Variants in EPHA3 observed in about 807,000 individuals in gnomAD.
The protein encoded by EPHA3 is EPH receptor A3, also known as ephrin type-A receptor 3.
Under a neutral mutation model 107.1 loss-of-function variants are expected in EPHA3, and 42 were observed. The ratio of observed to expected loss-of-function variants is 0.39; its 90% CI spans 0.31 to 0.51. The LOEUF (loss-of-function observed/expected upper bound fraction) is 0.51, where lower values mean the gene tolerates loss of function less well. Among genes scored for constraint, EPHA3 ranks in the 20% least tolerant of loss-of-function variants. The pLI is 0.78. For synonymous variants in EPHA3, 461 were observed against 424.8 expected, an observed-to-expected ratio of 1.09 and a Z score of -1.05; for missense variants, 1,183 against 1,211.2, an observed-to-expected ratio of 0.98 and a Z score of 0.35.
intron 16 of EPHA3, among the ~76,000 whole-genome samples, chr3:89,478,637 A>C (rs1308502408): frequency 6.6e-6 from 1 of 152,154 alleles, no homozygotes; most frequent in Non-Finnish European, 1.5e-5. Context: ...GCCCCCAGAG[A>C]GGATATCTCA....
chr3:89,110,335 A>G (rs1283932639), intron 1 of EPHA3, among the ~76,000 whole-genome samples: 1 of 152,008 alleles, frequency 6.6e-6, no homozygotes, highest in African/African-American at 2.4e-5. Context: ...AATTGCTAGG[A>G]CATTTGCAGT....
intron 3 of EPHA3, among the ~76,000 whole-genome samples, chr3:89,328,348 A>G (rs1416883145): frequency 6.6e-6 from 1 of 152,188 alleles, no homozygotes; most frequent in Non-Finnish European, 1.5e-5. Flanking sequence ...GCAGGTTTGC[A>G]TAAATTAAGC....
At chr3:89,459,704 G>A (rs1386475532) in intron 15 of EPHA3, among the ~76,000 whole-genome samples, 2 of 152,102 alleles carry the variant, frequency 1.3e-5, no homozygotes. Flanking sequence ...TGTATTCTTA[G>A]TGGAGATGGG....
intron 7 of EPHA3, among the ~76,000 whole-genome samples, chr3:89,401,070 T>C (rs1427358659): frequency 6.6e-6 from 1 of 152,208 alleles, no homozygotes; most frequent in East Asian, 1.9e-4. Context: ...TGGTATATTT[T>C]TGTGTCCAAA....
intron 2 of EPHA3, among the ~76,000 whole-genome samples, chr3:89,207,389 C>T (rs1477553838): frequency 6.6e-6 from 1 of 152,160 alleles, no homozygotes; most frequent in African/African-American, 2.4e-5. Flanking sequence ...ACTATGCTCA[C>T]AACCTGGGTG....
chr3:89,279,075 T>C (rs555269683), intron 3 of EPHA3, among the ~76,000 whole-genome samples: 7 of 152,312 alleles, frequency 4.6e-5, no homozygotes, highest in Non-Finnish European at 1.0e-4. Flanking sequence ...ATCATTTAAA[T>C]TCTAAGAGTA....
At chr3:89,362,047 A>G (rs1708102367) in intron 5 of EPHA3, among the ~76,000 whole-genome samples, 1 of 151,228 alleles carries the variant, frequency 6.6e-6, no homozygotes, top group South Asian at 2.1e-4. Context: ...TCATACTTCT[A>G]AAGTAGAGTA....
chr3:89,285,324 A>T (rs1210363150), intron 3 of EPHA3, among the ~76,000 whole-genome samples: 1 of 152,112 alleles, frequency 6.6e-6, no homozygotes, highest in Admixed American at 6.6e-5. Flanking sequence ...CTCAGTAAAT[A>T]TTGGGAAAAC....
intron 3 of EPHA3, among the ~76,000 whole-genome samples, chr3:89,337,395 A>T (rs1707418499): frequency 6.6e-6 from 1 of 152,230 alleles, no homozygotes. Flanking sequence ...CTTCAATTGT[A>T]CAGTCTATAA....
chr3:89,245,900 T>C (rs1705020667), intron 3 of EPHA3, among the ~76,000 whole-genome samples: 1 of 152,150 alleles, frequency 6.6e-6, no homozygotes, highest in Non-Finnish European at 1.5e-5. Flanking sequence ...GATAATAAGG[T>C]TACGTAAAGC....
intron 3 of EPHA3, among the ~76,000 whole-genome samples, chr3:89,232,281 AG>A (rs1266617261): frequency 2.6e-5 from 4 of 152,152 alleles, no homozygotes; most frequent in Non-Finnish European, 4.4e-5. Context: ...TGGTTGGGCA[AG>A]GAAGACTCAT....
intron 2 of EPHA3, among the ~76,000 whole-genome samples, chr3:89,177,331 A>T (rs1705342415): frequency 6.6e-6 from 1 of 152,112 alleles, no homozygotes; most frequent in Admixed American, 6.6e-5. Flanking sequence ...CTGAGTGTTA[A>T]AATCTCTGGG....
intron 3 of EPHA3, among the ~76,000 whole-genome samples, chr3:89,280,134 T>A (rs1705906061): frequency 6.6e-6 from 1 of 152,056 alleles, no homozygotes; most frequent in South Asian, 2.1e-4. Flanking sequence ...ATTGATGTAA[T>A]GGCATAAATA....
intron 5 of EPHA3, among the ~76,000 whole-genome samples, chr3:89,376,940 A>C (rs757175352): frequency 6.6e-6 from 1 of 152,058 alleles, no homozygotes; most frequent in African/African-American, 2.4e-5. Context: ...TTCTACAATC[A>C]CTTGATTGTT....
At chr3:89,123,236 C>T (rs1479591124) in intron 1 of EPHA3, among the ~76,000 whole-genome samples, 9 of 152,174 alleles carry the variant, frequency 5.9e-5, no homozygotes, top group African/African-American at 2.2e-4. Flanking sequence ...CCTGCGCCTC[C>T]GGGTTGAAGC....
chr3:89,125,746 A>G (rs1362760484), intron 1 of EPHA3, among the ~76,000 whole-genome samples: 4 of 151,588 alleles, frequency 2.6e-5, no homozygotes, highest in Non-Finnish European at 5.9e-5. Flanking sequence ...TAACTTTGAG[A>G]ATTGTATTTC....
intron 5 of EPHA3, among the ~76,000 whole-genome samples, chr3:89,392,436 C>CG (rs372219526): frequency 6.8e-6 from 1 of 146,668 alleles, no homozygotes; most frequent in South Asian, 2.1e-4. Flanking sequence ...GAAACTCCAT[C>CG]GAAAAAAAAA....
intron 16 of EPHA3, among the ~76,000 whole-genome samples, chr3:89,476,764 C>T (rs752527302): frequency 1.3e-5 from 2 of 151,584 alleles, no homozygotes; most frequent in African/African-American, 2.4e-5. Context: ...CCCGCCACCA[C>T]GCCCCGCTAA....
chr3:89,385,045 C>T (rs1180911294), intron 5 of EPHA3, among the ~76,000 whole-genome samples: 1 of 152,172 alleles, frequency 6.6e-6, no homozygotes, highest in Non-Finnish European at 1.5e-5. Flanking sequence ...TATACACACA[C>T]ATACATAAAT....
Sources: gnomAD v4.1 joint callset for allele counts (sites outside exome capture counted in the v4.1 genomes callset) on GRCh38, gnomAD v4.1.1 for gene constraint, MANE v1.5 for transcripts, NCBI Gene and HGNC (gene_info 2026-07-23, HGNC 2026-07-21) for gene names.